SND1: variants seen among roughly 807,000 people sequenced by gnomAD.
SND1 encodes the protein staphylococcal nuclease domain-containing protein 1.
SND1 carries 38 observed loss-of-function variants against 121.7 expected under a neutral mutation model. The ratio of observed to expected loss-of-function variants is 0.31; its 90% CI spans 0.24 to 0.41. The LOEUF is 0.41. Among genes scored for constraint, SND1 ranks in the 10% least tolerant of loss-of-function variants. The probability of loss-of-function intolerance (pLI) is 1.00; values close to 1 mark genes in which losing one functional copy is unlikely to be tolerated. For missense variants in SND1, 868 were observed against 1,184.6 expected (o/e 0.73, Z 3.92); for synonymous variants, 401 against 447.4 (o/e 0.90, Z 1.31).
chr7:127,702,429 A>G lies in SND1; in HGVS notation c.590-6A>G. The G allele has an allele frequency of 2.5e-6, 4 of 1,613,782 alleles. No individual in the cohort carries two copies. Among genetic ancestry groups the G allele is most frequent in the Non-Finnish European group, 3.4e-6 (4 of 1,179,652 alleles). On this transcript the variant is annotated splice_region_variant and splice_polypyrimidine_tract_variant and intron_variant, in intron 5 of 23. Coordinates refer to ENST00000354725, the MANE Select transcript of SND1 (RefSeq NM_014390.4). ...AAGGACTTAAGCTGTTTATTCTGTC[A>G]CACAGCTATCATCGAGCATGTGCGG...
At chr7:127,735,382 C>T (rs771336736) in intron 10 of SND1, among the ~76,000 whole-genome samples, 1 of 151,944 alleles carries the variant, frequency 6.6e-6, no homozygotes. Flanking sequence ...AAAATATTTC[C>T]TACAACCACT....
chr7:127,983,805 A>G (rs1802322174), intron 15 of SND1, among the ~76,000 whole-genome samples: 1 of 152,142 alleles, frequency 6.6e-6, no homozygotes, highest in Non-Finnish European at 1.5e-5. Flanking sequence ...CTTAGTGACC[A>G]TCTTTCAGCT....
Position 127,704,891 on chromosome 7 carries a change from AC to A in SND1, c.894del (p.Trp299GlyfsTer13), listed in dbSNP as rs767872943. 1 of 1,614,086 alleles carries A rather than the reference AC, an allele frequency of 6.2e-7. No homozygotes were observed. The highest frequency in any genetic ancestry group is 1.1e-5 in the South Asian group (1 of 91,076). ...AAGGAAGGTTTCGCACGCTGTGTGG[AC>A]TGGTCGATTGCAGTTTACACCCGGG... The part of the protein sequence containing the change: ...LLKEGFARCV[D>X]WSIAVYTRGA... On this transcript the variant is annotated frameshift_variant, in exon 8 of 24. Transcript: ENST00000354725. LOFTEE classifies it high-confidence loss of function.
intron 8 of SND1, 82 bp from the exon 9 acceptor site, chr7:127,707,475 G>A: frequency 9.6e-7 from 1 of 1,039,342 alleles, no homozygotes; most frequent in Non-Finnish European, 1.5e-6. Flanking sequence ...AGAGTAGGAT[G>A]CTGCACCAAC....
intron 10 of SND1, among the ~76,000 whole-genome samples, chr7:127,790,175 G>A (rs1797882734): frequency 6.6e-6 from 1 of 152,188 alleles, no homozygotes; most frequent in Non-Finnish European, 1.5e-5. Context: ...CTTGCATTCA[G>A]CAACATTTGT....
intron 11 of SND1, among the ~76,000 whole-genome samples, chr7:127,809,516 C>T (rs898461322): frequency 6.6e-6 from 1 of 152,188 alleles, no homozygotes; most frequent in Non-Finnish European, 1.5e-5. Context: ...GTTGCTGCCT[C>T]AGGGGAGTGG....
intron 12 of SND1, among the ~76,000 whole-genome samples, chr7:127,880,895 T>C (rs1488760069): frequency 6.6e-6 from 1 of 152,134 alleles, no homozygotes; most frequent in Non-Finnish European, 1.5e-5. Context: ...AGGGACTCTT[T>C]CTGGAATTTC....
At chr7:128,053,076 T>A (rs1793073659) in intron 16 of SND1, among the ~76,000 whole-genome samples, 1 of 152,338 alleles carries the variant, frequency 6.6e-6, no homozygotes, top group Non-Finnish European at 1.5e-5. Flanking sequence ...TGCAGACAAT[T>A]GGTGGGGAAG....
At chr7:127,949,785 G>A (rs1801419476) in intron 15 of SND1, among the ~76,000 whole-genome samples, 2 of 152,172 alleles carry the variant, frequency 1.3e-5, no homozygotes, top group African/African-American at 4.8e-5. Flanking sequence ...CTCTGAAGAA[G>A]GAAAAGGTGC....
At chr7:127,943,141 A>G (rs895482782) in intron 15 of SND1, among the ~76,000 whole-genome samples, 1 of 152,126 alleles carries the variant, frequency 6.6e-6, no homozygotes, top group Non-Finnish European at 1.5e-5. Flanking sequence ...CCACTTCACA[A>G]TCCAGTTCTA....
chr7:127,870,171 A>G (rs964096866), intron 12 of SND1, among the ~76,000 whole-genome samples: 2 of 152,140 alleles, frequency 1.3e-5, no homozygotes, highest in Non-Finnish European at 2.9e-5. Context: ...TTCAGTAATA[A>G]TTTTTTGGTG....
chr7:127,704,967 T>C (rs1402328522), intron 8 of SND1, 22 bp downstream of exon 8: 2 of 1,587,374 alleles, frequency 1.3e-6, no homozygotes, highest in Non-Finnish European at 1.7e-6. Context: ...CCAAGAGGCC[T>C]TCCAGCTGTG....
At chr7:127,834,674 TAG>T (rs1164068798) in intron 11 of SND1, among the ~76,000 whole-genome samples, 2 of 152,208 alleles carry the variant, frequency 1.3e-5, no homozygotes, top group Admixed American at 6.5e-5. Context: ...AATGTTTACT[TAG>T]CCACAAAACT....
chr7:127,953,151 C>CGTGTGTGTGTGTGT (rs59825900), intron 15 of SND1, among the ~76,000 whole-genome samples: 1 of 92,272 alleles, frequency 1.1e-5, no homozygotes, highest in Non-Finnish European at 2.2e-5. Flanking sequence ...GTGACAAGAC[C>CGTGTGTGTGTGTGT]GTGTGTGTGT....
chr7:127,767,678 G>C (rs1168016681), intron 10 of SND1, among the ~76,000 whole-genome samples: 3 of 152,170 alleles, frequency 2.0e-5, no homozygotes, highest in African/African-American at 7.2e-5. Context: ...TCATTGATCA[G>C]TGCTGGGGAC....
At chr7:127,828,265 G>A (rs1443876628) in intron 11 of SND1, among the ~76,000 whole-genome samples, 1 of 152,030 alleles carries the variant, frequency 6.6e-6, no homozygotes, top group African/African-American at 2.4e-5. Context: ...CCAAAGTGCT[G>A]GGATTACGGG....
chr7:127,890,357 A>G (rs1006076788), intron 13 of SND1, among the ~76,000 whole-genome samples: 4 of 152,072 alleles, frequency 2.6e-5, no homozygotes, highest in Non-Finnish European at 5.9e-5. Context: ...TATTTTGCCT[A>G]TTATTTTAAT....
chr7:127,709,989 ATT>A (rs879455745), intron 9 of SND1, among the ~76,000 whole-genome samples: 2 of 146,060 alleles, frequency 1.4e-5, no homozygotes, highest in Admixed American at 6.9e-5. Flanking sequence ...TTGTTTTGTA[ATT>A]TTTTTTTTTT....
chr7:128,012,468 T>C lies in SND1; in HGVS notation c.1779+21412T>C, dbSNP rs116515666. ...ATGCCACAAGAAAGCCCCAGTCCCT[T>C]AAGAGTGCTCAGCAGTTTGCCAAGC... On this transcript the variant is annotated intron_variant, in intron 16 of 23. Coordinates refer to ENST00000354725, the MANE Select transcript of SND1 (RefSeq NM_014390.4). Among the ~76,000 whole-genome samples the C allele has an allele frequency of 4.6e-3, 695 of 152,308 alleles. 3 individuals are homozygous for C. Among genetic ancestry groups the C allele is most frequent in the African/African-American group, 0.013 (529 of 41,552 alleles).
Sources: allele counts gnomAD v4.1 joint callset (sites outside exome capture counted in the v4.1 genomes callset), GRCh38; gene constraint gnomAD v4.1.1; transcripts MANE v1.5; gene names NCBI Gene and HGNC (gene_info 2026-07-23, HGNC 2026-07-21).